Variants in NECTIN3 observed in about 807,000 individuals in gnomAD.
NECTIN3 encodes the protein nectin-3.
Under a neutral mutation model 49.4 loss-of-function variants are expected in NECTIN3, and 8 were observed. The observed-to-expected ratio is 0.16, with a 90% CI of 0.10 to 0.29. The LOEUF (loss-of-function observed/expected upper bound fraction) is 0.29, where lower values mean the gene tolerates loss of function less well. Among genes scored for constraint, NECTIN3 ranks in the 10% least tolerant of loss-of-function variants. The probability of loss-of-function intolerance (pLI) is 1.00; values close to 1 mark genes in which losing one functional copy is unlikely to be tolerated. For synonymous variants in NECTIN3, 277 were observed against 241.1 expected (o/e 1.15, Z -1.38); for missense variants, 581 against 654.6 (o/e 0.89, Z 1.23).
At chr3:111,166,018 A>G (rs967422458) in intron 7 of NECTIN3, among the ~76,000 whole-genome samples, 4 of 152,150 alleles carry the variant, frequency 2.6e-5, no homozygotes, top group African/African-American at 9.7e-5. Context: ...CAAGAAACCA[A>G]CAATCCTCAA....
intron 7 of NECTIN3, among the ~76,000 whole-genome samples, chr3:111,167,858 A>C (rs1270887297): frequency 6.6e-6 from 1 of 152,170 alleles, no homozygotes; most frequent in Non-Finnish European, 1.5e-5. Flanking sequence ...ACAGCATTAT[A>C]ATCTTAGGCA....
chr3:111,158,013 A>G (rs1040714814), intron 7 of NECTIN3, among the ~76,000 whole-genome samples: 6 of 152,090 alleles, frequency 3.9e-5, no homozygotes, highest in African/African-American at 1.4e-4. Flanking sequence ...GCCAATCCAC[A>G]TAACATTGAA....
At position 111,137,412 on chromosome 3, in the gene NECTIN3, TAA is replaced by T; in HGVS notation, c.*3198_*3199del. 1.1e-6 allele frequency: 1 copy of T among 947,388 alleles called. No individual in the cohort carries two copies. Among genetic ancestry groups the T allele is most frequent in the Non-Finnish European group, 1.3e-6 (1 of 796,592 alleles). 58.7% of individuals were successfully genotyped at this position (947,388 alleles called of 1,614,324 possible). On this transcript the variant is annotated 3_prime_UTR_variant, in exon 6 of 6. Coordinates refer to ENST00000485303, the MANE Select transcript of NECTIN3 (RefSeq NM_015480.3). ...TTTGGGTTTTAGTTTGTACCCGCGCTAAGTTTTGGTTTTGTTGTGTTTGGTGT... is the reference window on the plus strand; with the variant it reads ...TTTGGGTTTTAGTTTGTACCCGCGCTGTTTTGGTTTTGTTGTGTTTGGTGT...
chr3:111,092,398 A>T (rs1419905745), intron 1 of NECTIN3, among the ~76,000 whole-genome samples: 2 of 152,192 alleles, frequency 1.3e-5, no homozygotes, highest in Non-Finnish European at 2.9e-5. Context: ...GATGTACTAC[A>T]GTATTTTCTT....
At position 111,133,643 on chromosome 3, in the gene NECTIN3, A is replaced by C. The variant is rs371971217; in HGVS notation, c.1078A>C (p.Thr360Pro). Residue 360 changes from threonine (T) to proline (P), a missense_variant, in exon 6 of 6, where the codon ACT becomes CCT. Thr to Pro is a conservative substitution (Grantham distance 38). This residue lies in a region of NECTIN3 where 238 missense variants were observed against 244.9 expected (regional missense o/e 0.97). Coordinates refer to ENST00000485303, the MANE Select transcript of NECTIN3 (RefSeq NM_015480.3). ...QKVIYISDPP[T>P]TTTLQPTIQW... is the part of the protein sequence containing the mutation. ...TTTACTGTTTCCATTAGATCCTCCT[A>C]CTACTACCACCCTTCAGCCTACAAT... 6.2e-6 allele frequency: 10 copies of C among 1,612,556 alleles called. No individual in the cohort carries two copies. Among genetic ancestry groups the C allele is most frequent in the Non-Finnish European group, 8.5e-6 (10 of 1,179,334 alleles).
chr3:111,188,704 T>C (rs1298169872), upstream of NECTIN3, among the ~76,000 whole-genome samples: 2 of 152,250 alleles, frequency 1.3e-5, no homozygotes, highest in East Asian at 3.8e-4. Flanking sequence ...TAATACTTGT[T>C]ATATTGTTAC....
intron 7 of NECTIN3, among the ~76,000 whole-genome samples, chr3:111,175,436 A>T (rs1407402829): frequency 2.0e-5 from 3 of 151,824 alleles, no homozygotes; most frequent in African/African-American, 7.3e-5. Context: ...GTAAAAGCAT[A>T]GAAAGGCCTC....
At chr3:111,160,738 T>G (rs2107519629) in intron 7 of NECTIN3, among the ~76,000 whole-genome samples, 1 of 152,362 alleles carries the variant, frequency 6.6e-6, no homozygotes, top group South Asian at 2.1e-4. Context: ...CTGGGCGCAG[T>G]GGCTAACGCC....
rs2034621902 is a variant in NECTIN3 at position 111,137,481 on chromosome 3, C to G, written c.*3266C>G. 1.0e-6 allele frequency: 1 copy of G among 952,902 alleles called. No individual in the cohort carries two copies. Among genetic ancestry groups the G allele is most frequent in the Non-Finnish European group, 1.2e-6 (1 of 816,346 alleles). 59.0% of individuals were successfully genotyped at this position (952,902 alleles called of 1,614,324 possible). On this transcript the variant is annotated 3_prime_UTR_variant, in exon 6 of 6. Coordinates refer to ENST00000485303, the MANE Select transcript of NECTIN3 (RefSeq NM_015480.3). ...TTTTGTTTTGTTTTTTCTTTTTTAA[C>G]CAACCTGTGTATTAGGTGTTAGCCC...
chr3:111,124,988 T>C (rs2107475901), intron 4 of NECTIN3, among the ~76,000 whole-genome samples: 1 of 151,732 alleles, frequency 6.6e-6, no homozygotes, highest in African/African-American at 2.4e-5. Flanking sequence ...GTTGAGCACC[T>C]AGGTTTACTT....
chr3:111,108,207 A>G (rs1433123468), intron 1 of NECTIN3, among the ~76,000 whole-genome samples: 2 of 147,896 alleles, frequency 1.4e-5, no homozygotes, highest in Non-Finnish European at 3.0e-5. Context: ...ACACCTTAAA[A>G]TATAGCCACT....
chr3:111,075,273 A>C (rs1003791974), intron 1 of NECTIN3: 2 of 152,132 alleles, frequency 1.3e-5, no homozygotes, highest in South Asian at 2.1e-4. Flanking sequence ...AATGAAAAAA[A>C]CAGTCATTTT....
chr3:111,138,051 A>G (rs548443210), downstream of NECTIN3, among the ~76,000 whole-genome samples: 1 of 151,766 alleles, frequency 6.6e-6, no homozygotes, highest in African/African-American at 2.4e-5. Flanking sequence ...TTACTTTGGC[A>G]TAAGCCAAAT....
rs770305928 is a variant in NECTIN3, at chr3:111,133,669, T to A, written c.1104T>A (p.Ile368=). The change falls in exon 6 of 6, where the codon ATT becomes ATA. Residue 368 remains isoleucine, a synonymous_variant. Transcript: ENST00000485303. ...PPTTTTLQPT[I]QWHPSTADIE... is the part of the protein sequence containing the mutation. ...CTACTACCACCCTTCAGCCTACAAT[T>A]CAGTGGCATCCCTCAACTGCTGACA... The A allele has an allele frequency of 6.2e-7, 1 of 1,613,788 alleles. No homozygotes were observed. Among genetic ancestry groups the A allele is most frequent in the East Asian group, 2.2e-5 (1 of 44,880 alleles).
At chr3:111,152,552 A>G (rs1007369561) in intron 7 of NECTIN3, among the ~76,000 whole-genome samples, 2 of 151,734 alleles carry the variant, frequency 1.3e-5, no homozygotes, top group African/African-American at 4.8e-5. Context: ...CTTTTTATTT[A>G]TTGGACAAAA....
Position 111,083,350 on chromosome 3 carries a change from G to T in NECTIN3, c.160+11173G>T, listed in dbSNP as rs565150756. On this transcript the variant is annotated intron_variant, in intron 1 of 5. Coordinates refer to ENST00000485303, the MANE Select transcript of NECTIN3 (RefSeq NM_015480.3). Reference sequence around the variant, plus strand: ...ATATGTTGAGCTCGCAACCCTCAATGTGATGGTGTTAGGGGGCATAGGGCC... The same window carrying T: ...ATATGTTGAGCTCGCAACCCTCAATTTGATGGTGTTAGGGGGCATAGGGCC... Among the ~76,000 whole-genome samples the T allele has an allele frequency of 3.9e-5, 6 of 152,304 alleles. No individual in the cohort carries two copies. In the East Asian group the frequency reaches 9.6e-4, roughly 24 times the overall value.
At chr3:111,114,403 A>T (rs1456733246) in intron 2 of NECTIN3, among the ~76,000 whole-genome samples, 1 of 152,008 alleles carries the variant, frequency 6.6e-6, no homozygotes, top group Non-Finnish European at 1.5e-5. Flanking sequence ...TTTGGCTGTC[A>T]TTGTTATGTT....
chr3:111,154,761 T>G (rs1374956176), intron 7 of NECTIN3, among the ~76,000 whole-genome samples: 1 of 152,208 alleles, frequency 6.6e-6, no homozygotes, highest in Non-Finnish European at 1.5e-5. Context: ...ATTTTTTCAT[T>G]TGCTGGTTTG....
In NECTIN3 at chr3:111,135,025, C is replaced by T; in HGVS notation, c.*810C>T. ...TGGATTTTGGTACATTAGCAGTAGCCTTATTTTAATGCTTTATGTCCTAAA... is the reference window on the plus strand; with the variant it reads ...TGGATTTTGGTACATTAGCAGTAGCTTTATTTTAATGCTTTATGTCCTAAA... On this transcript the variant is annotated 3_prime_UTR_variant, in exon 6 of 6. Transcript: ENST00000485303. 3 of 979,994 alleles carry T rather than the reference C, an allele frequency of 3.1e-6. No individual in the cohort carries two copies. The highest frequency in any genetic ancestry group is 3.6e-6 in the Non-Finnish European group (3 of 825,500). The allele number at this position is 979,994 out of a possible 1,614,324, so 60.7% of individuals were successfully genotyped here. A position where few individuals can be genotyped will look rare whatever the true frequency, so the allele number is the denominator to read the frequency against.
Sources: gnomAD v4.1 joint callset for allele counts (sites outside exome capture counted in the v4.1 genomes callset) on GRCh38, gnomAD v4.1.1 for gene constraint, gnomAD v4.1.1 regional missense constraint, MANE v1.5 for transcripts, NCBI Gene and HGNC (gene_info 2026-07-23, HGNC 2026-07-21) for gene names.